Variants in SEMA6D observed in about 807,000 individuals in gnomAD.
SEMA6D encodes semaphorin-6D.
SEMA6D carries 35 observed loss-of-function variants against 106.6 expected under a neutral mutation model. The observed-to-expected ratio is 0.33, with a 90% CI of 0.25 to 0.44. SEMA6D has a LOEUF of 0.44. Among genes scored for constraint, SEMA6D ranks in the 20% least tolerant of loss-of-function variants. SEMA6D has a pLI of 1.00. For synonymous variants in SEMA6D, 499 were observed against 487.7 expected, an observed-to-expected ratio of 1.02 and a Z score of -0.31; for missense variants, 1,185 against 1,345.9, an observed-to-expected ratio of 0.88 and a Z score of 1.87.
At chr15:47,265,935 T>C (rs921613611) in intron 1 of SEMA6D, among the ~76,000 whole-genome samples, 5 of 152,140 alleles carry the variant, frequency 3.3e-5, no homozygotes, top group Admixed American at 2.6e-4. Context: ...TCTCTGTCGC[T>C]GTTTCTTTTC....
intron 3 of SEMA6D, among the ~76,000 whole-genome samples, chr15:47,571,543 A>G (rs1277732986): frequency 2.6e-5 from 4 of 152,332 alleles, no homozygotes; most frequent in East Asian, 1.9e-4. Context: ...ATCATCATCA[A>G]TCTTCAATCC....
intron 1 of SEMA6D, among the ~76,000 whole-genome samples, chr15:47,240,187 A>C (rs2032818280): frequency 6.6e-6 from 1 of 152,114 alleles, no homozygotes; most frequent in Non-Finnish European, 1.5e-5. Flanking sequence ...AGAAAGAAAA[A>C]TTTGTTGGTC....
chr15:47,770,395 A>G (rs968994694), intron 18 of SEMA6D, 102 bp from the exon 19 acceptor site: 4 of 968,046 alleles, frequency 4.1e-6, no homozygotes, highest in Admixed American at 2.4e-5. Flanking sequence ...AGCTAAGCAT[A>G]TGAACCATAT....
chr15:47,467,942 A>G (rs1479394435), intron 2 of SEMA6D, among the ~76,000 whole-genome samples: 7 of 152,094 alleles, frequency 4.6e-5, no homozygotes, highest in African/African-American at 1.7e-4. Context: ...TAGCATAAAA[A>G]TTATATTATA....
chr15:47,187,818 G>A (rs1769874805), intron 1 of SEMA6D, among the ~76,000 whole-genome samples: 1 of 152,076 alleles, frequency 6.6e-6, no homozygotes, highest in South Asian at 2.1e-4. Flanking sequence ...ATTAGTGGGG[G>A]GAGGGGTGAA....
At chr15:47,760,496 A>C in intron 3 of SEMA6D, 81 bp downstream of exon 3, 1 of 1,064,856 alleles carries the variant, frequency 9.4e-7, no homozygotes, top group Non-Finnish European at 1.4e-6. Context: ...GTTCATGAAA[A>C]ACTAATATGT....
chr15:47,620,912 C>T (rs577100600), intron 4 of SEMA6D, among the ~76,000 whole-genome samples: 10 of 152,054 alleles, frequency 6.6e-5, no homozygotes, highest in African/African-American at 2.4e-4. Flanking sequence ...CTGGTGCATT[C>T]CACCTGTGAC....
At chr15:47,719,736 C>T (rs944428988) in intron 1 of SEMA6D, among the ~76,000 whole-genome samples, 2 of 152,222 alleles carry the variant, frequency 1.3e-5, no homozygotes. Flanking sequence ...GGATTTTACT[C>T]TCCTTTGGTG....
intron 1 of SEMA6D, among the ~76,000 whole-genome samples, chr15:47,257,291 T>A (rs886403431): frequency 6.6e-6 from 1 of 152,130 alleles, no homozygotes; most frequent in Admixed American, 6.5e-5. Context: ...TCTCCTGACT[T>A]CGTGATCCAC....
At chr15:47,321,391 CATCCTTT>C (rs1170571926) in intron 1 of SEMA6D, among the ~76,000 whole-genome samples, 3 of 152,196 alleles carry the variant, frequency 2.0e-5, no homozygotes, top group East Asian at 3.9e-4. Context: ...TTTCATTGGC[CATCCTTT>C]ATCAATATTT....
chr15:47,580,532 A>G (rs1456473939), intron 3 of SEMA6D, among the ~76,000 whole-genome samples: 1 of 151,950 alleles, frequency 6.6e-6, no homozygotes, highest in Non-Finnish European at 1.5e-5. Context: ...ATTACCTCTC[A>G]CTCACCAACA....
intron 1 of SEMA6D, among the ~76,000 whole-genome samples, chr15:47,187,242 T>A (rs913993481): frequency 1.3e-5 from 2 of 152,160 alleles, no homozygotes; most frequent in Non-Finnish European, 2.9e-5. Context: ...CACTAAAACC[T>A]TATTAAGAGA....
At chr15:47,534,846 G>A (rs1596263421) in intron 3 of SEMA6D, among the ~76,000 whole-genome samples, 1 of 151,872 alleles carries the variant, frequency 6.6e-6, no homozygotes, top group Non-Finnish European at 1.5e-5. Flanking sequence ...CTGCTACACT[G>A]ATGAAAAACC....
chr15:47,549,182 C>A (rs560052822), intron 3 of SEMA6D, among the ~76,000 whole-genome samples: 1 of 152,114 alleles, frequency 6.6e-6, no homozygotes, highest in Non-Finnish European at 1.5e-5. Context: ...AAACAGATAG[C>A]GAGAAAGCCT....
chr15:47,210,192 C>T (rs922102108), intron 1 of SEMA6D, among the ~76,000 whole-genome samples: 3 of 152,064 alleles, frequency 2.0e-5, no homozygotes, highest in Admixed American at 6.5e-5. Context: ...TACTGTATGT[C>T]GACTTTAGTG....
intron 2 of SEMA6D, among the ~76,000 whole-genome samples, chr15:47,428,087 TA>T (rs1272180525): frequency 6.6e-6 from 1 of 151,946 alleles, no homozygotes; most frequent in South Asian, 2.1e-4. Flanking sequence ...TTAAAAAATG[TA>T]AAAAAAGAGA....
chr15:47,403,770 G>A (rs965977709), intron 1 of SEMA6D, among the ~76,000 whole-genome samples: 1 of 152,202 alleles, frequency 6.6e-6, no homozygotes, highest in African/African-American at 2.4e-5. Context: ...AAGCAGTGCA[G>A]AGCGGCCGGT....
At chr15:47,751,246 G>A (rs910055369) in intron 1 of SEMA6D, among the ~76,000 whole-genome samples, 2 of 152,110 alleles carry the variant, frequency 1.3e-5, no homozygotes, top group Non-Finnish European at 1.5e-5. Flanking sequence ...TTAGAATCTA[G>A]GCACATGAAT....
intron 1 of SEMA6D, among the ~76,000 whole-genome samples, chr15:47,300,616 G>A (rs1428607262): frequency 2.0e-5 from 3 of 151,986 alleles, no homozygotes; most frequent in African/African-American, 7.3e-5. Flanking sequence ...TTCCTTTGAG[G>A]CTCCCATTCT....
Sources: allele counts gnomAD v4.1 joint callset (sites outside exome capture counted in the v4.1 genomes callset), GRCh38; gene constraint gnomAD v4.1.1; transcripts MANE v1.5; gene names NCBI Gene and HGNC (gene_info 2026-07-23, HGNC 2026-07-21).